The following PRKCA variants were observed in gnomAD, a reference collection of about 807,000 sequenced individuals.
PRKCA encodes protein kinase C alpha type.
PRKCA carries 27 observed loss-of-function variants against 87.0 expected under a neutral mutation model. That is an observed-to-expected ratio of 0.31 (90% CI 0.23 to 0.43). The LOEUF is 0.43. PRKCA is among the 20% of genes least tolerant of loss of function. PRKCA has a pLI of 1.00. For missense variants in PRKCA, 518 were observed against 852.3 expected, an observed-to-expected ratio of 0.61 and a Z score of 4.88; for synonymous variants, 329 against 311.1, an observed-to-expected ratio of 1.06 and a Z score of -0.61.
At chr17:66,486,534 C>T (rs1915994663) in intron 2 of PRKCA, among the ~76,000 whole-genome samples, 1 of 152,076 alleles carries the variant, frequency 6.6e-6, no homozygotes, top group African/African-American at 2.4e-5. Context: ...CTTCCCTCAA[C>T]CCTCTCCAGC....
At chr17:66,421,657 C>T (rs796175039) in intron 2 of PRKCA, among the ~76,000 whole-genome samples, 75 of 151,846 alleles carry the variant, frequency 4.9e-4, no homozygotes, top group African/African-American at 1.8e-3. Flanking sequence ...CTCAGCCTCC[C>T]AGGTAGCTGG....
At chr17:66,471,259 T>A (rs1270302035) in intron 2 of PRKCA, among the ~76,000 whole-genome samples, 1 of 152,250 alleles carries the variant, frequency 6.6e-6, no homozygotes. Flanking sequence ...GATTGGATAC[T>A]CTTGCATATC....
At chr17:66,660,478 G>A (rs1052302353) in intron 5 of PRKCA, among the ~76,000 whole-genome samples, 3 of 152,036 alleles carry the variant, frequency 2.0e-5, no homozygotes, top group African/African-American at 7.3e-5. Flanking sequence ...CATGTTAGGG[G>A]GTGCTCCTGC....
chr17:66,801,454 G>C (rs774455300), intron 16 of PRKCA, among the ~76,000 whole-genome samples: 9 of 152,156 alleles, frequency 5.9e-5, no homozygotes, highest in African/African-American at 2.4e-5. Context: ...CTATTTCTTT[G>C]GCTGTTGTCA....
At chr17:66,482,638 T>C (rs1029117441) in intron 2 of PRKCA, among the ~76,000 whole-genome samples, 2 of 152,190 alleles carry the variant, frequency 1.3e-5, no homozygotes, top group African/African-American at 4.8e-5. Context: ...GAAAGTACTT[T>C]CACCAGCCAG....
rs187459328 is a variant in PRKCA at position 66,426,691 on chromosome 17, C to T, written c.206-69510C>T. The stretch of plus-strand genomic sequence containing the variant: ...TAAATCCTGACTGCTTTGAGACAGT[C>T]GTGGGAATACCCTTCAAGGGTGGGC... On this transcript the variant is annotated intron_variant, in intron 2 of 16. Coordinates refer to ENST00000413366, the MANE Select transcript of PRKCA (RefSeq NM_002737.3). 3.8e-3 allele frequency among the ~76,000 whole-genome samples: 586 copies of T among 152,280 alleles called. 4 individuals are homozygous for T. Among genetic ancestry groups the T allele is most frequent in the Non-Finnish European group, 6.4e-3 (438 of 68,022 alleles).
Position 66,804,055 on chromosome 17 carries a change from A to G in PRKCA, c.*18A>G, listed in dbSNP as rs1397247852. On this transcript the variant is annotated 3_prime_UTR_variant, in exon 17 of 17. Coordinates refer to ENST00000413366, the MANE Select transcript of PRKCA (RefSeq NM_002737.3). ...CAGTATGAAACTCACCAGCGAGAAC[A>G]AACACCTCCCCAGCCCCCAGCCCTC... The G allele has an allele frequency of 6.3e-7, 1 of 1,593,206 alleles. No homozygotes were observed. Among genetic ancestry groups the G allele is most frequent in the South Asian group, 1.1e-5 (1 of 90,540 alleles).
chr17:66,356,890 G>A (rs1033204388), intron 2 of PRKCA, among the ~76,000 whole-genome samples: 4 of 152,138 alleles, frequency 2.6e-5, no homozygotes, highest in African/African-American at 9.7e-5. Flanking sequence ...GAGTCGCTGA[G>A]ACTACAGCCA....
chr17:66,543,025 T>C (rs1180082632), intron 3 of PRKCA, among the ~76,000 whole-genome samples: 1 of 152,232 alleles, frequency 6.6e-6, no homozygotes, highest in Non-Finnish European at 1.5e-5. Context: ...TGAATTATGC[T>C]GTTATTTTCA....
At chr17:66,730,092 C>T (rs113775692) in intron 8 of PRKCA, among the ~76,000 whole-genome samples, 4,002 of 152,236 alleles carry the variant, frequency 0.026, 56 homozygotes, top group Non-Finnish European at 0.03. Flanking sequence ...TGTCTGGCCA[C>T]AAGCAAGTTA....
intron 2 of PRKCA, among the ~76,000 whole-genome samples, chr17:66,470,362 A>AT (rs1304251695): frequency 9.4e-6 from 1 of 106,642 alleles, no homozygotes; most frequent in Non-Finnish European, 1.7e-5. Flanking sequence ...CGTAGCTGGG[A>AT]TTACAGGCAC....
At chr17:66,614,007 T>C (rs1970448641) in intron 3 of PRKCA, among the ~76,000 whole-genome samples, 1 of 152,092 alleles carries the variant, frequency 6.6e-6, no homozygotes, top group African/African-American at 2.4e-5. Flanking sequence ...GCCAGGCTTG[T>C]CTTGAACTCC....
intron 14 of PRKCA, among the ~76,000 whole-genome samples, chr17:66,785,974 G>A (rs376596277): frequency 1.3e-5 from 2 of 152,100 alleles, no homozygotes; most frequent in Non-Finnish European, 2.9e-5. Context: ...GACTACAGGC[G>A]CTCGCCACCA....
chr17:66,803,785 G>A lies in PRKCA; in HGVS notation c.1855-88G>A, dbSNP rs774018396. On this transcript the variant is annotated intron_variant, in intron 16 of 16. Coordinates refer to ENST00000413366, the MANE Select transcript of PRKCA (RefSeq NM_002737.3). The surrounding 1 kb of genome is among the most constrained non-coding windows in gnomAD (Gnocchi z 4.4). ...AACCAGCCCGGAGTTCCCCAGGGCC[G>A]TGCCCCTCCCCAGAGAGGGCCCTCG... 56 of 1,542,682 alleles carry A rather than the reference G, an allele frequency of 3.6e-5. No homozygotes were observed. The highest frequency in any genetic ancestry group is 2.3e-4 in the Middle Eastern group (1 of 4,306).
At chr17:66,688,173 G>T (rs887279019) in intron 6 of PRKCA, 129 bp from the exon 7 acceptor site, 3 of 1,160,432 alleles carry the variant, frequency 2.6e-6, no homozygotes, top group East Asian at 2.5e-5. Context: ...ATAAGGGGTT[G>T]GTATTTTACT....
At chr17:66,633,331 T>C (rs1486604564) in intron 3 of PRKCA, among the ~76,000 whole-genome samples, 3 of 152,208 alleles carry the variant, frequency 2.0e-5, no homozygotes, top group African/African-American at 7.2e-5. Flanking sequence ...TGCTTCCTAC[T>C]TCCCTAAATT....
intron 3 of PRKCA, among the ~76,000 whole-genome samples, chr17:66,531,193 A>T (rs1455740023): frequency 1.3e-5 from 2 of 152,048 alleles, no homozygotes; most frequent in Admixed American, 1.3e-4. Flanking sequence ...CCCCAGCAGG[A>T]CTCCTGCATG....
chr17:66,754,584 T>C (rs1291786680), intron 13 of PRKCA, among the ~76,000 whole-genome samples: 1 of 152,152 alleles, frequency 6.6e-6, no homozygotes, highest in Non-Finnish European at 1.5e-5. Flanking sequence ...ATTACATTCT[T>C]AGTGCATCTC....
rs115277311 is a variant in PRKCA, at chr17:66,314,406, T to G, written c.205+8279T>G. Among the ~76,000 whole-genome samples, 911 of 152,260 alleles carry G rather than the reference T, an allele frequency of 6.0e-3. 8 individuals carry two copies. The highest frequency in any genetic ancestry group is 0.021 in the African/African-American group (871 of 41,536). On this transcript the variant is annotated intron_variant, in intron 2 of 16. Coordinates refer to ENST00000413366, the MANE Select transcript of PRKCA (RefSeq NM_002737.3). The stretch of plus-strand genomic sequence containing the variant: ...TAACTGCATTAAAAAAACTCTTTAT[T>G]AAATTATACAAAAGGGAAAATGGTT...
Sources: allele counts gnomAD v4.1 joint callset (sites outside exome capture counted in the v4.1 genomes callset), GRCh38; gene constraint gnomAD v4.1.1; non-coding constraint Gnocchi (gnomAD v3.1); transcripts MANE v1.5; gene names NCBI Gene and HGNC (gene_info 2026-07-23, HGNC 2026-07-21).